Variants in LRRC7 observed in about 807,000 individuals in gnomAD.
LRRC7 encodes leucine rich repeat containing 7.
LRRC7 carries 23 observed loss-of-function variants against 175.7 expected under a neutral mutation model. That is an observed-to-expected ratio of 0.13 (90% CI 0.09 to 0.19). LRRC7 has a LOEUF of 0.19. Ranked by LOEUF, LRRC7 falls within the 10% of genes least tolerant of loss-of-function variation. LRRC7 has a pLI of 1.00. For missense variants in LRRC7, 1,354 were observed against 1,904.7 expected (o/e 0.71, Z 5.38); for synonymous variants, 685 against 680.9 (o/e 1.01, Z -0.09).
intron 7 of LRRC7, among the ~76,000 whole-genome samples, chr1:69,880,601 G>C (rs1324772382): frequency 6.6e-6 from 1 of 152,116 alleles, no homozygotes; most frequent in Non-Finnish European, 1.5e-5. Context: ...AATATCATGG[G>C]AGTGAATACG....
At chr1:69,763,127 T>C (rs147171907) in intron 3 of LRRC7, among the ~76,000 whole-genome samples, 9 of 152,186 alleles carry the variant, frequency 5.9e-5, no homozygotes, top group Middle Eastern at 3.4e-3. Context: ...GAGTTCATTA[T>C]ATGTGTTTCA....
At chr1:69,778,897 T>C (rs148715877) in intron 3 of LRRC7, among the ~76,000 whole-genome samples, 1,567 of 148,902 alleles carry the variant, frequency 0.011, 20 homozygotes, top group African/African-American at 0.037. Context: ...CACACACACA[T>C]ATATATATAC....
chr1:70,001,283 G>A (rs945353408), intron 11 of LRRC7, among the ~76,000 whole-genome samples: 1 of 152,004 alleles, frequency 6.6e-6, no homozygotes, highest in African/African-American at 2.4e-5. Context: ...AATGAGTATG[G>A]CTTCATATTT....
chr1:70,107,767 A>G lies in LRRC7; in HGVS notation c.4561A>G (p.Arg1521Gly). ...KPSDKGIFVTRVQPDGPASNL... is the reference protein window; with the variant it reads ...KPSDKGIFVTGVQPDGPASNL... ...TGACTTATAGGGTATCTTTGTTACT[A>G]GGGTTCAGCCTGATGGGCCAGCATC... Residue 1521 changes from arginine (R) to glycine (G), a missense_variant, in exon 26 of 27, where the codon AGG (arginine) becomes GGG (glycine). Arg to Gly is a moderately radical substitution (Grantham distance 125, BLOSUM62 -2). Around this residue, in one of 4 missense-constraint regions of LRRC7, gnomAD observed 53 missense variants for 112.6 expected, o/e 0.47. Coordinates refer to ENST00000651989, the MANE Select transcript of LRRC7 (RefSeq NM_001370785.2). 6.2e-7 allele frequency: 1 copy of G among 1,613,266 alleles called. No individual in the cohort carries two copies. Among genetic ancestry groups the G allele is most frequent in the Non-Finnish European group, 8.5e-7 (1 of 1,179,404 alleles).
chr1:70,051,313 C>T (rs1003803324), intron 22 of LRRC7, among the ~76,000 whole-genome samples: 3 of 151,960 alleles, frequency 2.0e-5, no homozygotes, highest in African/African-American at 7.2e-5. Flanking sequence ...TCCCACTTCA[C>T]TAGCAAACAA....
chr1:69,921,069 T>C (rs1646874984), intron 7 of LRRC7, among the ~76,000 whole-genome samples: 1 of 152,152 alleles, frequency 6.6e-6, no homozygotes, highest in South Asian at 2.1e-4. Flanking sequence ...ACAACCATCT[T>C]TGGGCTGCTG....
At chr1:69,973,881 C>T (rs902019320) in intron 8 of LRRC7, among the ~76,000 whole-genome samples, 2 of 152,160 alleles carry the variant, frequency 1.3e-5, no homozygotes, top group Non-Finnish European at 2.9e-5. Context: ...CCTCCATGCC[C>T]AGCCATTTTG....
In LRRC7 at chr1:69,581,076, T is replaced by C. The variant is rs1361765943; in HGVS notation, c.2+12435T>C. ...CTGGATATGGGGAGCACAGGGAGAC[T>C]GGCACGTTATGAGGCAGACATGAGC... On this transcript the variant is annotated intron_variant, in intron 1 of 26. Coordinates refer to ENST00000651989, the MANE Select transcript of LRRC7 (RefSeq NM_001370785.2). 2.0e-5 allele frequency among the ~76,000 whole-genome samples: 3 copies of C among 152,162 alleles called. No individual in the cohort carries two copies. In the East Asian group the frequency reaches 5.8e-4, roughly 29 times the overall value.
At chr1:69,707,796 C>G (rs1664235445) in intron 2 of LRRC7, among the ~76,000 whole-genome samples, 1 of 152,130 alleles carries the variant, frequency 6.6e-6, no homozygotes, top group South Asian at 2.1e-4. Context: ...GAAGCAGACT[C>G]TTGCTTTAGA....
intron 16 of LRRC7, among the ~76,000 whole-genome samples, chr1:70,022,576 T>A (rs1351231005): frequency 6.6e-6 from 1 of 152,206 alleles, no homozygotes; most frequent in Non-Finnish European, 1.5e-5. Context: ...TTTTTCTCTG[T>A]ATTTACATTT....
chr1:70,068,558 G>C (rs2102106571), intron 23 of LRRC7, among the ~76,000 whole-genome samples: 1 of 151,276 alleles, frequency 6.6e-6, no homozygotes, highest in South Asian at 2.1e-4. Flanking sequence ...GGTTTATAGT[G>C]GTTTTTTTCT....
At chr1:70,005,315 C>T (rs1266392165) in intron 11 of LRRC7, among the ~76,000 whole-genome samples, 1 of 152,098 alleles carries the variant, frequency 6.6e-6, no homozygotes, top group African/African-American at 2.4e-5. Context: ...AGGTGAAGCC[C>T]AAAGCCAATT....
At chr1:69,991,628 C>T (rs1654448325) in intron 10 of LRRC7, among the ~76,000 whole-genome samples, 3 of 152,030 alleles carry the variant, frequency 2.0e-5, no homozygotes, top group South Asian at 2.1e-4. Flanking sequence ...AATTGGATGG[C>T]GAATTGCATC....
chr1:69,606,465 C>T (rs1402530648), intron 1 of LRRC7, among the ~76,000 whole-genome samples: 1 of 151,918 alleles, frequency 6.6e-6, no homozygotes, highest in Non-Finnish European at 1.5e-5. Context: ...TCTCCTATAT[C>T]CTACCAAAGA....
At chr1:69,634,040 A>G (rs1652939953) in intron 1 of LRRC7, among the ~76,000 whole-genome samples, 1 of 152,102 alleles carries the variant, frequency 6.6e-6, no homozygotes. Context: ...AATTTAACTC[A>G]CTTATACTTA....
chr1:70,086,496 G>A (rs962587457), intron 24 of LRRC7, among the ~76,000 whole-genome samples: 10 of 152,090 alleles, frequency 6.6e-5, no homozygotes, highest in Non-Finnish European at 2.9e-5. Context: ...AAAGAAAACT[G>A]AGTCTGGCGT....
chr1:69,669,367 CT>C (rs913731912), intron 1 of LRRC7, among the ~76,000 whole-genome samples: 1 of 152,082 alleles, frequency 6.6e-6, no homozygotes, highest in African/African-American at 2.4e-5. Flanking sequence ...AATATTTTTC[CT>C]TCAGCACTTT....
chr1:70,097,336 A>G (rs1199267146), intron 25 of LRRC7, among the ~76,000 whole-genome samples: 1 of 152,232 alleles, frequency 6.6e-6, no homozygotes, highest in Non-Finnish European at 1.5e-5. Context: ...GCCATTGAAT[A>G]AAACCATATT....
chr1:69,882,610 CT>C (rs763821316), intron 7 of LRRC7, among the ~76,000 whole-genome samples: 3,349 of 133,394 alleles, frequency 0.025, 99 homozygotes, highest in African/African-American at 0.075. Context: ...GGACATTTTT[CT>C]TTTTTTTTTT....
Sources: gnomAD v4.1 joint callset for allele counts (sites outside exome capture counted in the v4.1 genomes callset) on GRCh38, gnomAD v4.1.1 for gene constraint, gnomAD v4.1.1 regional missense constraint, MANE v1.5 for transcripts, NCBI Gene and HGNC (gene_info 2026-07-23, HGNC 2026-07-21) for gene names.